The following TAF4B variants were observed in gnomAD, a reference collection of about 807,000 sequenced individuals.
TAF4B encodes the protein TATA-box binding protein associated factor 4b.
In TAF4B, 38 loss-of-function variants were observed where a neutral mutation model predicts 86.4. The observed-to-expected ratio is 0.44, with a 90% CI of 0.34 to 0.58. The LOEUF is 0.58. Among genes scored for constraint, TAF4B ranks in the 20% least tolerant of loss-of-function variants. The pLI is 0.02. For synonymous variants in TAF4B, 388 were observed against 391.2 expected (o/e 0.99, Z 0.10); for missense variants, 988 against 1,027.6 (o/e 0.96, Z 0.53).
intron 13 of TAF4B, among the ~76,000 whole-genome samples, chr18:26,346,883 A>ATATATATATATGTGTG (rs2057200016): frequency 2.6e-4 from 2 of 7,764 alleles, no homozygotes; most frequent in Non-Finnish European, 9.1e-4. Flanking sequence ...ATGTGTATAT[A>ATATATATATATGTGTG]TATATATATA....
At chr18:26,282,190 G>A (rs2056458831) in intron 6 of TAF4B, 130 bp downstream of exon 6, 3 of 706,620 alleles carry the variant, frequency 4.2e-6, no homozygotes, top group South Asian at 3.5e-5. Flanking sequence ...ACCTCTGAGT[G>A]CTTTTGTAAG....
intron 9 of TAF4B, among the ~76,000 whole-genome samples, chr18:26,299,139 G>A (rs2144628738): frequency 1.3e-5 from 2 of 152,138 alleles, no homozygotes; most frequent in African/African-American, 4.8e-5. Context: ...GGGATTACAG[G>A]CGTGAGCCAC....
rs7227381 is a variant in TAF4B at position 26,324,348 on chromosome 18, G to A, written c.2134-2667G>A. Among the ~76,000 whole-genome samples the A allele has an allele frequency of 9.6e-3, 1,469 of 152,252 alleles. 12 individuals are homozygous for A. Among genetic ancestry groups the A allele is most frequent in the African/African-American group, 0.033 (1,364 of 41,546 alleles). ...GCTGGTCTCAAACTCCTGGCCTCAA[G>A]CAATCCACCCGCCTCGGCCTCCCAA... On this transcript the variant is annotated intron_variant, in intron 11 of 14. Transcript: ENST00000269142.
At chr18:26,307,251 TTTG>T (rs2056804645) in intron 9 of TAF4B, among the ~76,000 whole-genome samples, 1 of 148,900 alleles carries the variant, frequency 6.7e-6, no homozygotes, top group Non-Finnish European at 1.5e-5. Flanking sequence ...TAAAAACTAT[TTTG>T]TTAACTTACA....
chr18:26,286,646 CT>C (rs2056527880), intron 7 of TAF4B, 147 bp downstream of exon 7: 1 of 810,390 alleles, frequency 1.2e-6, no homozygotes, highest in Non-Finnish European at 1.8e-6. Context: ...ACCTCATTTG[CT>C]TTGTTTTCCT....
chr18:26,314,051 A>G (rs991827280), intron 9 of TAF4B, among the ~76,000 whole-genome samples: 7 of 152,034 alleles, frequency 4.6e-5, no homozygotes, highest in Non-Finnish European at 1.0e-4. Flanking sequence ...GTTGTTTTTT[A>G]AAGTTGAACA....
chr18:26,303,405 C>T (rs1240654041), intron 9 of TAF4B, among the ~76,000 whole-genome samples: 1 of 115,646 alleles, frequency 8.6e-6, no homozygotes, highest in African/African-American at 3.2e-5. Context: ...CATCCTCCCT[C>T]CACTTTCATC....
chr18:26,228,289 C>A (rs2055610313), intron 1 of TAF4B, among the ~76,000 whole-genome samples: 1 of 152,122 alleles, frequency 6.6e-6, no homozygotes, highest in Non-Finnish European at 1.5e-5. Context: ...AAAGGGGAAG[C>A]ATTGATTCAA....
intron 13 of TAF4B, among the ~76,000 whole-genome samples, chr18:26,338,339 C>G (rs879629593): frequency 1.9e-4 from 29 of 151,936 alleles, no homozygotes; most frequent in Non-Finnish European, 3.4e-4. Flanking sequence ...ATCCCAGTTA[C>G]TCAGGAGTCT....
chr18:26,265,037 T>C, intron 1 of TAF4B, 133 bp from the exon 2 acceptor site: 1 of 837,438 alleles, frequency 1.2e-6, no homozygotes, highest in Non-Finnish European at 1.8e-6. Flanking sequence ...TGTATATAAG[T>C]AGCAGACATG....
chr18:26,303,194 A>C (rs1470521857), intron 9 of TAF4B, among the ~76,000 whole-genome samples: 2 of 44,598 alleles, frequency 4.5e-5, no homozygotes, highest in East Asian at 7.2e-4. Context: ...CCACTTTCAT[A>C]CCCCCTCCAC....
chr18:26,317,019 C>T (rs1289523528), intron 10 of TAF4B, among the ~76,000 whole-genome samples: 1 of 142,550 alleles, frequency 7.0e-6, no homozygotes, highest in Non-Finnish European at 1.5e-5. Context: ...GGTCACCCTC[C>T]CTTCCGATTT....
chr18:26,319,232 C>CCAAAG (rs1355449736), intron 10 of TAF4B, among the ~76,000 whole-genome samples: 12 of 150,920 alleles, frequency 8.0e-5, no homozygotes, highest in Non-Finnish European at 1.5e-4. Context: ...TGGCTTACAC[C>CCAAAG]TGTAATCCCA....
chr18:26,378,428 T>C (rs1448045918), intron 14 of TAF4B, among the ~76,000 whole-genome samples: 1 of 152,316 alleles, frequency 6.6e-6, no homozygotes, highest in African/African-American at 2.4e-5. Context: ...ATAATGTTTG[T>C]GGATGTAGAA....
At chr18:26,250,531 A>G (rs1182326003) in intron 1 of TAF4B, among the ~76,000 whole-genome samples, 1 of 151,304 alleles carries the variant, frequency 6.6e-6, no homozygotes, top group African/African-American at 2.4e-5. Flanking sequence ...TTTTGTAGAG[A>G]TGGGGTTTCA....
chr18:26,277,717 G>A (rs552504504), intron 5 of TAF4B, among the ~76,000 whole-genome samples: 1 of 152,222 alleles, frequency 6.6e-6, no homozygotes, highest in African/African-American at 2.4e-5. Context: ...GGTTTATCCT[G>A]CATGCTGAAT....
Position 26,227,029 on chromosome 18 carries a change from G to A in TAF4B, c.96G>A (p.Pro32=). 6.7e-7 allele frequency: 1 copy of A among 1,498,870 alleles called. No individual in the cohort carries two copies. Among genetic ancestry groups the A allele is most frequent in the Non-Finnish European group, 8.8e-7 (1 of 1,137,970 alleles). The allele number at this position is 1,498,870 out of a possible 1,614,324, so 92.8% of individuals were successfully genotyped here. The change falls in exon 1 of 15, where the codon CCG becomes CCA. Residue 32 remains proline (P), a synonymous_variant. Transcript: ENST00000269142. ...CCATGGCCCCGGCCGGGGCGCTGCCGGTGCGGGTGGAGAGCACTCCGGTGG... is the reference window on the plus strand; with the variant it reads ...CCATGGCCCCGGCCGGGGCGCTGCCAGTGCGGGTGGAGAGCACTCCGGTGG... The part of the protein sequence containing the change: ...TVTMAPAGAL[P]VRVESTPVAL...
intron 9 of TAF4B, among the ~76,000 whole-genome samples, chr18:26,300,233 C>T (rs1334094926): frequency 6.6e-6 from 1 of 151,840 alleles, no homozygotes; most frequent in Non-Finnish European, 1.5e-5. Context: ...AAGCAGTCCT[C>T]CCATCTTGGC....
At chr18:26,348,830 C>T (rs1408604082) in intron 13 of TAF4B, 2 of 153,722 alleles carry the variant, frequency 1.3e-5, no homozygotes, top group Non-Finnish European at 1.5e-5. Context: ...TTACACCATG[C>T]ACAACATCAG....
Sources: allele counts gnomAD v4.1 joint callset (sites outside exome capture counted in the v4.1 genomes callset), GRCh38; gene constraint gnomAD v4.1.1; transcripts MANE v1.5; gene names NCBI Gene and HGNC (gene_info 2026-07-23, HGNC 2026-07-21).